The following RPAP3 variants were observed in gnomAD, a reference collection of about 807,000 sequenced individuals.
RPAP3 encodes the protein RNA polymerase II associated protein 3, also known as RNA polymerase II-associated protein 3.
A neutral mutation model predicts 88.8 loss-of-function variants in RPAP3; 58 were observed. The observed-to-expected ratio is 0.65, with a 90% confidence interval of 0.53 to 0.81. The LOEUF (loss-of-function observed/expected upper bound fraction) is 0.81. RPAP3 is among the 40% of genes least tolerant of loss of function. The probability of loss-of-function intolerance (pLI) is 0.00; values close to 1 mark genes in which losing one functional copy is unlikely to be tolerated. For missense variants in RPAP3, 751 were observed against 764.3 expected, an observed-to-expected ratio of 0.98 and a Z score of 0.20; for synonymous variants, 255 against 259.9, an observed-to-expected ratio of 0.98 and a Z score of 0.18.
chr12:47,674,029 G>A (rs529884150), intron 12 of RPAP3, among the ~76,000 whole-genome samples: 4 of 145,070 alleles, frequency 2.8e-5, no homozygotes, highest in Middle Eastern at 3.8e-3. Context: ...AACTCTAAAC[G>A]CTGCTAAATT....
rs1938756261 is a variant in RPAP3, at chr12:47,661,320, A to G, written c.*2185T>C. 1 of 152,094 alleles carries G rather than the reference A, an allele frequency of 6.6e-6. No homozygotes were observed. Among genetic ancestry groups the G allele is most frequent in the African/African-American group, 2.4e-5 (1 of 41,430 alleles). The allele number at this position is 152,094 out of a possible 1,614,324, so 9.4% of individuals were successfully genotyped here. ...ATAAGGCAACAATATGACAGCCCCTAAAGACTGTTCTTTATTCTAATCACT... is the reference window on the plus strand; with the variant it reads ...ATAAGGCAACAATATGACAGCCCCTGAAGACTGTTCTTTATTCTAATCACT... On this transcript the variant is annotated 3_prime_UTR_variant, in exon 17 of 17. Coordinates refer to ENST00000005386, the MANE Select transcript of RPAP3 (RefSeq NM_024604.3).
chr12:47,669,345 C>T (rs1424953106), intron 13 of RPAP3, among the ~76,000 whole-genome samples: 2 of 152,154 alleles, frequency 1.3e-5, no homozygotes, highest in African/African-American at 4.8e-5. Context: ...GGGCAGCTAA[C>T]CTATCCACCT....
intron 9 of RPAP3, among the ~76,000 whole-genome samples, chr12:47,685,497 T>C (rs1939305708): frequency 6.6e-6 from 1 of 152,200 alleles, no homozygotes; most frequent in Admixed American, 6.5e-5. Flanking sequence ...CTGTTGCTTA[T>C]TTGCATGTGA....
chr12:47,704,766 C>A (rs1205626860), intron 1 of RPAP3, among the ~76,000 whole-genome samples: 1 of 151,896 alleles, frequency 6.6e-6, no homozygotes, highest in Non-Finnish European at 1.5e-5. Context: ...CTTTGGGAGG[C>A]AGAGGTTGGG....
intron 12 of RPAP3, among the ~76,000 whole-genome samples, chr12:47,675,646 G>A (rs1185864405): frequency 2.0e-5 from 3 of 152,184 alleles, no homozygotes; most frequent in African/African-American, 7.2e-5. Flanking sequence ...AAGAGACAAA[G>A]AAAGCCACTA....
At chr12:47,684,426 T>A (rs929293987) in intron 9 of RPAP3, among the ~76,000 whole-genome samples, 1 of 152,220 alleles carries the variant, frequency 6.6e-6, no homozygotes, top group African/African-American at 2.4e-5. Context: ...ATAGGATGGT[T>A]ACCTAAACTA....
chr12:47,705,335 T>G (rs1184770320), intron 1 of RPAP3, among the ~76,000 whole-genome samples: 4 of 152,228 alleles, frequency 2.6e-5, no homozygotes, highest in African/African-American at 9.7e-5. Context: ...GGTTTAAGCT[T>G]CTTTCAGGCA....
At chr12:47,695,722 T>C (rs2136639570) in intron 5 of RPAP3, among the ~76,000 whole-genome samples, 1 of 152,314 alleles carries the variant, frequency 6.6e-6, no homozygotes, top group South Asian at 2.1e-4. Context: ...ATAAAATTTG[T>C]ATTTCCAAAT....
In RPAP3 at chr12:47,661,413, A is replaced by G. The variant is rs370296823; in HGVS notation, c.*2092T>C. The G allele has an allele frequency of 6.6e-6, 1 of 152,212 alleles. No individual in the cohort carries two copies. The highest frequency in any genetic ancestry group is 2.4e-5 in the African/African-American group (1 of 41,464). 9.4% of individuals were successfully genotyped at this position (152,212 alleles called of 1,614,324 possible). A position where few individuals can be genotyped will look rare whatever the true frequency, so the allele number is the denominator to read the frequency against. ...CTTACTATACATCCAGCCCTGCTCC[A>G]AAAACAAAATGTGTGCATTCATTCA... On this transcript the variant is annotated 3_prime_UTR_variant, in exon 17 of 17. Transcript: ENST00000005386.
At chr12:47,690,758 T>G (rs1302440195) in intron 5 of RPAP3, 119 bp from the exon 6 acceptor site, 3 of 596,044 alleles carry the variant, frequency 5.0e-6, no homozygotes, top group Non-Finnish European at 5.3e-6. Context: ...TGAAGGCATT[T>G]TTCCCACCTG....
chr12:47,695,435 T>C (rs764291086), intron 5 of RPAP3, among the ~76,000 whole-genome samples: 1 of 152,052 alleles, frequency 6.6e-6, no homozygotes, highest in African/African-American at 2.4e-5. Flanking sequence ...ATGACAAATA[T>C]ATAATTCAAG....
rs763704067 is a variant in RPAP3, at chr12:47,681,845, G to GA, written c.993-29_993-28insT. 5.1e-5 allele frequency: 78 copies of GA among 1,526,446 alleles called. 1 individual carries two copies. In the African/African-American group the frequency reaches 1.1e-3, roughly 21 times the overall value. 94.6% of individuals were successfully genotyped at this position (1,526,446 alleles called of 1,614,324 possible). The stretch of plus-strand genomic sequence containing the variant: ...ATTGAACATGATAAAATTACTGACT[G>GA]GAAAAAAGGCAGCTTATGGAAAAAT... On this transcript the variant is annotated intron_variant, in intron 9 of 16. Transcript: ENST00000005386.
rs1938804545 is a variant in RPAP3 at position 47,663,606 on chromosome 12, A to T, written c.1913-16T>A. 6.9e-7 allele frequency: 1 copy of T among 1,442,354 alleles called. No homozygotes were observed. The highest frequency in any genetic ancestry group is 1.3e-5 in the South Asian group (1 of 75,928). 89.3% of individuals were successfully genotyped at this position (1,442,354 alleles called of 1,614,324 possible). On this transcript the variant is annotated splice_polypyrimidine_tract_variant and intron_variant, in intron 16 of 16. Coordinates refer to ENST00000005386, the MANE Select transcript of RPAP3 (RefSeq NM_024604.3). ...GCACGTGCAACTGAAAAAGAAAAAG[A>T]AATTCTCCATTTTAATCTCATTTTT...
intron 6 of RPAP3, among the ~76,000 whole-genome samples, chr12:47,689,693 C>T (rs1315913025): frequency 6.6e-6 from 1 of 152,150 alleles, no homozygotes. Context: ...CTATGACAAA[C>T]CATCTTCCAC....
At chr12:47,703,125 G>C (rs1939690637) in intron 1 of RPAP3, among the ~76,000 whole-genome samples, 1 of 152,216 alleles carries the variant, frequency 6.6e-6, no homozygotes, top group South Asian at 2.1e-4. Context: ...CAGGTAGCCT[G>C]TGGTAGCAGA....
rs1400006886 is a variant in RPAP3, at chr12:47,681,773, T to C, written c.1037A>G (p.Asp346Gly). The C allele has an allele frequency of 6.2e-6, 10 of 1,611,244 alleles. No individual in the cohort carries two copies. Among genetic ancestry groups the C allele is most frequent in the Non-Finnish European group, 7.6e-6 (9 of 1,178,744 alleles). ...EKDCTQAILL[D>G]GSYSKAFARR... The stretch of plus-strand genomic sequence containing the variant: ...GGCAAAAGCTTTAGAATATGAGCCA[T>C]CTAATAAAATGGCTTGTGTGCAGTC... Residue 346 changes from aspartate to glycine, a missense_variant, in exon 10 of 17, where the codon GAT becomes GGT. By Grantham distance (94) the Asp-to-Gly change is moderately conservative (BLOSUM62 -1). Transcript: ENST00000005386.
At chr12:47,699,890 T>C (rs1046516006) in intron 3 of RPAP3, 1 of 152,018 alleles carries the variant, frequency 6.6e-6, no homozygotes, top group African/African-American at 2.4e-5. Flanking sequence ...TAATCATTTA[T>C]ATGAAATTCC....
intron 12 of RPAP3, among the ~76,000 whole-genome samples, chr12:47,672,911 C>T (rs907759563): frequency 2.0e-5 from 3 of 152,136 alleles, no homozygotes; most frequent in Non-Finnish European, 2.9e-5. Flanking sequence ...ACACATATCA[C>T]GTGGCAATGT....
At chr12:47,692,184 A>G (rs986856174) in intron 5 of RPAP3, among the ~76,000 whole-genome samples, 9 of 152,190 alleles carry the variant, frequency 5.9e-5, no homozygotes, top group African/African-American at 1.9e-4. Flanking sequence ...CACTATCTTC[A>G]ACTTAAAGTC....
Sources: gnomAD v4.1 joint callset for allele counts (sites outside exome capture counted in the v4.1 genomes callset) on GRCh38, gnomAD v4.1.1 for gene constraint, MANE v1.5 for transcripts, NCBI Gene and HGNC (gene_info 2026-07-23, HGNC 2026-07-21) for gene names.